Variants in DNAJC15 observed in about 807,000 individuals in gnomAD.
The protein encoded by DNAJC15 is dnaJ homolog subfamily C member 15.
A neutral mutation model predicts 22.4 loss-of-function variants in DNAJC15; 27 were observed. The ratio of observed to expected loss-of-function variants is 1.20; its 90% CI spans 0.89 to 1.66. The LOEUF is 1.66. DNAJC15 is among the 40% of genes most tolerant of loss of function. The pLI, the probability that DNAJC15 is intolerant of heterozygous loss-of-function variation, is 0.00. For synonymous variants in DNAJC15, 79 were observed against 63.2 expected, an observed-to-expected ratio of 1.25 and a Z score of -1.19; for missense variants, 208 against 187.1, an observed-to-expected ratio of 1.11 and a Z score of -0.65.
chr13:43,059,913 T>C (rs530168523), intron 1 of DNAJC15, among the ~76,000 whole-genome samples: 5 of 152,280 alleles, frequency 3.3e-5, no homozygotes, highest in African/African-American at 1.2e-4. Context: ...AGAACCTTGT[T>C]AAGGGTGGGA....
At chr13:43,104,494 T>C (rs1010865234) in intron 5 of DNAJC15, among the ~76,000 whole-genome samples, 1 of 151,772 alleles carries the variant, frequency 6.6e-6, no homozygotes, top group African/African-American at 2.4e-5. Flanking sequence ...AGTGGGAGAG[T>C]TGGCCTTAAA....
At position 43,112,165 on chromosome 13, in the gene DNAJC15, G is replaced by T. The variant is rs1280854443; in HGVS notation, c.*4917G>T. 6.6e-6 allele frequency: 1 copy of T among 152,166 alleles called. No homozygotes were observed. Among genetic ancestry groups the T allele is most frequent in the Non-Finnish European group, 1.5e-5 (1 of 68,024 alleles). The allele number at this position is 152,166 out of a possible 1,614,324, so 9.4% of individuals were successfully genotyped here. On this transcript the variant is annotated 3_prime_UTR_variant, in exon 6 of 6. Transcript: ENST00000379221. Reference sequence around the variant, plus strand: ...CTCTTTTTATTGTTGCTGAGCAAAAGAATTTATAAAAAGCTCTTTCTTTTG... The same window carrying T: ...CTCTTTTTATTGTTGCTGAGCAAAATAATTTATAAAAAGCTCTTTCTTTTG...
intron 1 of DNAJC15, among the ~76,000 whole-genome samples, chr13:43,029,089 T>G (rs1244997705): frequency 6.6e-6 from 1 of 152,246 alleles, no homozygotes; most frequent in Non-Finnish European, 1.5e-5. Context: ...TATTTGATTT[T>G]AATATCATTG....
Position 43,110,940 on chromosome 13 carries a change from CTTAA to C in DNAJC15, c.*3697_*3700del, listed in dbSNP as rs1165093570. On this transcript the variant is annotated 3_prime_UTR_variant, in exon 6 of 6. Coordinates refer to ENST00000379221, the MANE Select transcript of DNAJC15 (RefSeq NM_013238.3). ...ATATTTGCTGTCATTGCATATTCTGCTTAATTAAGCTCTGTTGATATTGCAGTTT... is the reference window on the plus strand; with the variant it reads ...ATATTTGCTGTCATTGCATATTCTGCTTAAGCTCTGTTGATATTGCAGTTT... 5 of 152,222 alleles carry C rather than the reference CTTAA, an allele frequency of 3.3e-5. No homozygotes were observed. The highest frequency in any genetic ancestry group is 6.5e-5 in the Admixed American group (1 of 15,286). 9.4% of individuals were successfully genotyped at this position (152,222 alleles called of 1,614,324 possible).
intron 5 of DNAJC15, among the ~76,000 whole-genome samples, chr13:43,100,862 GTATT>G (rs1023456345): frequency 1.3e-5 from 2 of 152,166 alleles, no homozygotes; most frequent in East Asian, 1.9e-4. Context: ...GTATTAGCTG[GTATT>G]TATTCTTCAT....
intron 5 of DNAJC15, among the ~76,000 whole-genome samples, chr13:43,102,609 CA>C (rs1372319619): frequency 6.6e-6 from 1 of 151,860 alleles, no homozygotes; most frequent in South Asian, 2.1e-4. Context: ...AACTCCGTCT[CA>C]AAAAATAAAT....
intron 1 of DNAJC15, among the ~76,000 whole-genome samples, chr13:43,052,840 G>A (rs2040512044): frequency 6.6e-6 from 1 of 152,122 alleles, no homozygotes; most frequent in Non-Finnish European, 1.5e-5. Context: ...CCTACTCTGT[G>A]GGTTGTTTAT....
At chr13:43,082,009 C>G (rs569364843) in intron 4 of DNAJC15, among the ~76,000 whole-genome samples, 2 of 152,034 alleles carry the variant, frequency 1.3e-5, no homozygotes, top group Non-Finnish European at 2.9e-5. Context: ...TCTCATGAGA[C>G]TTAGTCACTA....
chr13:43,034,253 TGTAGA>T (rs1323647829), intron 1 of DNAJC15, among the ~76,000 whole-genome samples: 3 of 150,484 alleles, frequency 2.0e-5, no homozygotes, highest in Admixed American at 1.3e-4. Context: ...ACTCCTTAAA[TGTAGA>T]GTAATCTGTC....
Position 43,109,072 on chromosome 13 carries a change from C to T in DNAJC15, c.*1824C>T, listed in dbSNP as rs2040812451. The T allele has an allele frequency of 6.6e-6, 1 of 152,134 alleles. No individual in the cohort carries two copies. Among genetic ancestry groups the T allele is most frequent in the East Asian group, 1.9e-4 (1 of 5,200 alleles). The allele number at this position is 152,134 out of a possible 1,614,324, so 9.4% of individuals were successfully genotyped here. ...ATCCCTCTTTTTCTGGTACATGCAG[C>T]AAAAGTAATATGAATTATCAGCTTT... On this transcript the variant is annotated 3_prime_UTR_variant, in exon 6 of 6. Coordinates refer to ENST00000379221, the MANE Select transcript of DNAJC15 (RefSeq NM_013238.3).
At chr13:43,038,859 C>T (rs1235389543) in intron 1 of DNAJC15, among the ~76,000 whole-genome samples, 1 of 149,386 alleles carries the variant, frequency 6.7e-6, no homozygotes, top group Non-Finnish European at 1.5e-5. Flanking sequence ...AAGAAAATTT[C>T]ATGAAATAAA....
rs149778306 is a variant in DNAJC15, at chr13:43,042,896, G to A, written c.108+19162G>A. 1.7e-4 allele frequency among the ~76,000 whole-genome samples: 26 copies of A among 152,258 alleles called. No individual in the cohort carries two copies. The East Asian group carries it at 3.3e-3, about 19-fold the overall frequency. ...GTGTTTGACTAACTGGGTAAGCATA[G>A]TGTAGCCAGGTTGACACATAAAATT... is the stretch of plus-strand genomic sequence containing the variant. On this transcript the variant is annotated intron_variant, in intron 1 of 5. Transcript: ENST00000379221.
chr13:43,037,697 T>C (rs78021128), intron 1 of DNAJC15, among the ~76,000 whole-genome samples: 3,722 of 152,262 alleles, frequency 0.024, 134 homozygotes, highest in African/African-American at 0.078. Context: ...TGAATGTTTA[T>C]CCCATGTTAA....
chr13:43,035,730 A>C (rs1015597200), intron 1 of DNAJC15, among the ~76,000 whole-genome samples: 1 of 151,860 alleles, frequency 6.6e-6, no homozygotes, highest in Non-Finnish European at 1.5e-5. Context: ...TTAATATTTT[A>C]TTTCTTTTGA....
chr13:43,096,136 A>G (rs1330520394), intron 5 of DNAJC15, among the ~76,000 whole-genome samples: 1 of 152,142 alleles, frequency 6.6e-6, no homozygotes, highest in Non-Finnish European at 1.5e-5. Flanking sequence ...GGGGAAATAA[A>G]TGTAATGTTT....
chr13:43,030,103 A>G (rs1440442531), intron 1 of DNAJC15, among the ~76,000 whole-genome samples: 1 of 152,218 alleles, frequency 6.6e-6, no homozygotes, highest in African/African-American at 2.4e-5. Flanking sequence ...AGTACGTATA[A>G]TACTCTGACT....
intron 3 of DNAJC15, among the ~76,000 whole-genome samples, chr13:43,076,002 CTCTA>C (rs151231162): frequency 0.041 from 6,253 of 152,250 alleles, 181 homozygotes; most frequent in Non-Finnish European, 0.064. Context: ...GTATTTCTCT[CTCTA>C]TCTCTCTTTA....
chr13:43,107,166 T>G lies in DNAJC15; in HGVS notation c.383-12T>G. 1.3e-6 allele frequency: 2 copies of G among 1,550,546 alleles called. No homozygotes were observed. Among genetic ancestry groups the G allele is most frequent in the Non-Finnish European group, 1.7e-6 (2 of 1,155,326 alleles). ...GAAATGTATTTTAATTCATTTTTCT[T>G]TGTTCTCTCAGGTGGATCTCCTTAC... On this transcript the variant is annotated splice_polypyrimidine_tract_variant and intron_variant, in intron 5 of 5. Transcript: ENST00000379221.
intron 5 of DNAJC15, among the ~76,000 whole-genome samples, chr13:43,103,589 A>C (rs558624741): frequency 6.6e-6 from 1 of 152,342 alleles, no homozygotes; most frequent in South Asian, 2.1e-4. Flanking sequence ...TAAATGTTCC[A>C]TGTGCAGTTT....
Sources: allele counts gnomAD v4.1 joint callset (sites outside exome capture counted in the v4.1 genomes callset), GRCh38; gene constraint gnomAD v4.1.1; transcripts MANE v1.5; gene names NCBI Gene and HGNC (gene_info 2026-07-23, HGNC 2026-07-21).